The following LRRC49 variants were observed in gnomAD, a reference collection of about 807,000 sequenced individuals.
The protein encoded by LRRC49 is leucine-rich repeat-containing protein 49.
Under a neutral mutation model 83.3 loss-of-function variants are expected in LRRC49, and 50 were observed. The observed-to-expected ratio is 0.60, with a 90% CI of 0.48 to 0.76. The LOEUF is 0.76. LRRC49 is among the 30% of genes least tolerant of loss of function. The pLI is 0.00. For missense variants in LRRC49, 704 were observed against 809.1 expected (o/e 0.87, Z 1.58); for synonymous variants, 286 against 283.3 (o/e 1.01, Z -0.10).
intron 15 of LRRC49, 58 bp from the exon 16 acceptor site, chr15:71,049,351 T>G: frequency 8.9e-7 from 1 of 1,123,190 alleles, no homozygotes; most frequent in Non-Finnish European, 1.3e-6. Context: ...AGCTAATTGT[T>G]GCTTTGACTT....
chr15:70,873,367 G>A, intron 2 of LRRC49: 1 of 938,260 alleles, frequency 1.1e-6, no homozygotes. Flanking sequence ...TGGTGAGGAG[G>A]GAACAGGAAA....
Position 71,009,942 on chromosome 15 carries a change from G to A in LRRC49, c.1543G>A (p.Val515Ile), listed in dbSNP as rs538000491. The change falls in exon 13 of 16, where the codon GTA (valine) becomes ATA (isoleucine). Residue 515 changes from valine to isoleucine, a missense_variant. By Grantham distance (29) the Val-to-Ile change is conservative. This residue lies in a region of LRRC49 where 275 missense variants were observed against 338.0 expected (regional missense o/e 0.81). Transcript: ENST00000260382. ...CAATTTTACACTCTGGAAATACTAT[G>A]TACTGTTTAGGCTAAGCCATTTCAG... Reference protein sequence around the residue: ...VVNFTLWKYYVLFRLSHFSMQ... With the variant: ...VVNFTLWKYYILFRLSHFSMQ... The A allele has an allele frequency of 8.1e-6, 13 of 1,611,508 alleles. No individual in the cohort carries two copies. The highest frequency in any genetic ancestry group is 1.3e-5 in the African/African-American group (1 of 74,934).
At chr15:70,860,555 C>T (rs1414029001) in intron 1 of LRRC49, among the ~76,000 whole-genome samples, 1 of 152,186 alleles carries the variant, frequency 6.6e-6, no homozygotes, top group Non-Finnish European at 1.5e-5. Flanking sequence ...GCTGGGACTA[C>T]AGGCATGCCA....
At chr15:71,003,032 G>A (rs990340866) in intron 11 of LRRC49, among the ~76,000 whole-genome samples, 12 of 124,014 alleles carry the variant, frequency 9.7e-5, no homozygotes, top group African/African-American at 3.6e-4. Context: ...CTGCCTCCCA[G>A]GTTCAAGCAA....
intron 14 of LRRC49, among the ~76,000 whole-genome samples, chr15:71,033,759 ACAAACTTGACAAAAAC>A (rs1255523860): frequency 6.6e-6 from 1 of 152,214 alleles, no homozygotes; most frequent in East Asian, 1.9e-4. Flanking sequence ...CTGATCTTCA[ACAAACTTGACAAAAAC>A]CAGCAATGGG....
intron 11 of LRRC49, among the ~76,000 whole-genome samples, chr15:70,998,996 T>C (rs2038169501): frequency 6.6e-6 from 1 of 152,208 alleles, no homozygotes; most frequent in African/African-American, 2.4e-5. Flanking sequence ...TTTTCAGTTA[T>C]TGTACTTTTC....
intron 7 of LRRC49, among the ~76,000 whole-genome samples, chr15:70,921,548 G>T (rs1254564544): frequency 6.6e-6 from 1 of 152,180 alleles, no homozygotes; most frequent in African/African-American, 2.4e-5. Flanking sequence ...ACAGTTCACC[G>T]TAGTCCATGC....
At chr15:70,953,337 A>G (rs187611297) in intron 8 of LRRC49, among the ~76,000 whole-genome samples, 160 of 152,108 alleles carry the variant, frequency 1.1e-3, no homozygotes, top group African/African-American at 3.7e-3. Flanking sequence ...GGTAATGAAT[A>G]CTCTTAGCTT....
intron 11 of LRRC49, among the ~76,000 whole-genome samples, chr15:71,005,139 C>T (rs1246666100): frequency 6.6e-6 from 1 of 152,054 alleles, no homozygotes; most frequent in East Asian, 1.9e-4. Flanking sequence ...CGCATGTGCC[C>T]CTGAACTTAA....
chr15:70,947,754 C>T (rs1721929222), intron 8 of LRRC49, among the ~76,000 whole-genome samples: 1 of 152,130 alleles, frequency 6.6e-6, no homozygotes, highest in Non-Finnish European at 1.5e-5. Flanking sequence ...TTTAAATGCA[C>T]ATTACAGTCT....
At chr15:71,034,241 CT>C (rs2039449400) in intron 14 of LRRC49, among the ~76,000 whole-genome samples, 1 of 152,124 alleles carries the variant, frequency 6.6e-6, no homozygotes, top group African/African-American at 2.4e-5. Context: ...GCAGACACTT[CT>C]CAAAAGAAGA....
At chr15:71,025,434 T>C (rs1228612528) in intron 14 of LRRC49, among the ~76,000 whole-genome samples, 1 of 152,034 alleles carries the variant, frequency 6.6e-6, no homozygotes, top group East Asian at 1.9e-4. Flanking sequence ...CAAAGACCAA[T>C]GACACTATGA....
chr15:70,930,047 G>C (rs1195489956), intron 7 of LRRC49, among the ~76,000 whole-genome samples: 3 of 152,086 alleles, frequency 2.0e-5, no homozygotes, highest in African/African-American at 7.2e-5. Flanking sequence ...CATGAATCAT[G>C]AATGTTCTTA....
At chr15:71,029,780 T>C (rs2039290454) in intron 14 of LRRC49, among the ~76,000 whole-genome samples, 1 of 152,210 alleles carries the variant, frequency 6.6e-6, no homozygotes, top group Admixed American at 6.5e-5. Context: ...TGTAATGCCC[T>C]TCTCTGTCTT....
intron 14 of LRRC49, among the ~76,000 whole-genome samples, chr15:71,028,305 A>ATGCTGGATAAGCTTCTTGATGTCC (rs2039239862): frequency 6.6e-6 from 1 of 152,158 alleles, no homozygotes; most frequent in African/African-American, 2.4e-5. Flanking sequence ...CAACTTGATC[A>ATGCTGGATAAGCTTCTTGATGTCC]TGCTGGATAA....
intron 6 of LRRC49, among the ~76,000 whole-genome samples, chr15:70,916,785 C>T (rs115698865): frequency 1.4e-4 from 21 of 152,246 alleles, no homozygotes; most frequent in Admixed American, 2.0e-4. Context: ...ACTCAAGTCA[C>T]GGCTGCAGAC....
intron 1 of LRRC49, among the ~76,000 whole-genome samples, chr15:70,863,992 C>T (rs1165900610): frequency 2.0e-5 from 3 of 152,110 alleles, no homozygotes; most frequent in Non-Finnish European, 4.4e-5. Context: ...GCCTGGTGGA[C>T]ACAGTTGTGC....
chr15:71,015,716 C>T (rs1017447901), intron 14 of LRRC49, among the ~76,000 whole-genome samples: 1 of 152,194 alleles, frequency 6.6e-6, no homozygotes, highest in African/African-American at 2.4e-5. Flanking sequence ...TACTGTAATA[C>T]TTGTTCATAG....
intron 3 of LRRC49, chr15:70,900,380 A>G (rs1473297019): frequency 4.6e-6 from 2 of 434,366 alleles, no homozygotes; most frequent in Admixed American, 2.5e-5. Flanking sequence ...GAAAGAGATG[A>G]TGCGAGGTTT....
Sources: allele counts gnomAD v4.1 joint callset (sites outside exome capture counted in the v4.1 genomes callset), GRCh38; gene constraint gnomAD v4.1.1; regional missense constraint gnomAD v4.1.1; transcripts MANE v1.5; gene names NCBI Gene and HGNC (gene_info 2026-07-23, HGNC 2026-07-21).